The following VAT1 variants were observed in gnomAD, a reference collection of about 807,000 sequenced individuals.
The protein encoded by VAT1 is NADPH-dependent quinone oxidoreductase VAT1.
VAT1 carries 24 observed loss-of-function variants against 33.3 expected under a neutral mutation model. The ratio of observed to expected loss-of-function variants is 0.72; its 90% CI spans 0.52 to 1.01. VAT1 has a LOEUF of 1.01. VAT1 is among the 50% of genes least tolerant of loss of function. VAT1 has a pLI of 0.00. For missense variants in VAT1, 436 were observed against 533.7 expected, an observed-to-expected ratio of 0.82 and a Z score of 1.80; for synonymous variants, 212 against 225.0, an observed-to-expected ratio of 0.94 and a Z score of 0.52.
Position 43,016,007 on chromosome 17 carries a change from G to T in VAT1, c.*54C>A. The stretch of plus-strand genomic sequence containing the variant: ...ATGCAAGTCTGGTGGCCAACAGAAC[G>T]TAGCTTCCCAACTTCTCCCTTCGCT... On this transcript the variant is annotated 3_prime_UTR_variant, in exon 6 of 6. Transcript: ENST00000355653. 6.3e-7 allele frequency: 1 copy of T among 1,593,298 alleles called. No individual in the cohort carries two copies. The highest frequency in any genetic ancestry group is 8.6e-7 in the Non-Finnish European group (1 of 1,162,800).
Position 43,017,914 on chromosome 17 carries a change from C to T in VAT1, c.783G>A (p.Met261Ile), listed in dbSNP as rs757112423. 1.2e-6 allele frequency: 2 copies of T among 1,614,064 alleles called. No individual in the cohort carries two copies. The highest frequency in any genetic ancestry group is 4.5e-5 in the East Asian group (2 of 44,892). Residue 261 changes from methionine to isoleucine, a missense_variant, in exon 4 of 6, where the codon ATG becomes ATA. Met to Ile is a conservative substitution (Grantham distance 10). This residue lies in a region of VAT1 where 282 missense variants were observed against 405.4 expected (regional missense o/e 0.70). Coordinates refer to ENST00000355653, the MANE Select transcript of VAT1 (RefSeq NM_006373.4). Reference sequence around the variant, plus strand: ...CAGTATCTGACCCACCCAGAGGGTCCATGACAATGTCCACTCCTGTCATAG... The same window carrying T: ...CAGTATCTGACCCACCCAGAGGGTCTATGACAATGTCCACTCCTGTCATAG... Reference protein sequence around the residue: ...KISPKGVDIVMDPLGGSDTAK... With the variant: ...KISPKGVDIVIDPLGGSDTAK...
chr17:43,021,537 T>G (rs1025059484), intron 1 of VAT1, among the ~76,000 whole-genome samples: 3 of 136,948 alleles, frequency 2.2e-5, no homozygotes, highest in Admixed American at 8.4e-5. Flanking sequence ...GCACTAACCG[T>G]CACTCATAGT....
intron 2 of VAT1, 120 bp downstream of exon 2, chr17:43,018,472 G>C: frequency 1.7e-6 from 2 of 1,200,522 alleles, no homozygotes; most frequent in Non-Finnish European, 2.4e-6. Context: ...GAGGCCTCTG[G>C]GAGCCACAGG....
In VAT1 at chr17:43,016,620, G is replaced by C. The variant is rs927232945; in HGVS notation, c.857-72C>G. 1.8e-5 allele frequency: 28 copies of C among 1,569,830 alleles called. No individual in the cohort carries two copies. The Admixed American group carries it at 4.5e-4, about 25-fold the overall frequency. On this transcript the variant is annotated intron_variant, in intron 4 of 5. Transcript: ENST00000355653. ...CTGTGTGTCTGCATCTGTGCTCTCT[G>C]TTCCCTGTGATCCCCTTGCAATTCT...
Position 43,018,222 on chromosome 17 carries a change from C to A in VAT1, c.596-16G>T. 2 of 1,600,296 alleles carry A rather than the reference C, an allele frequency of 1.2e-6. No individual in the cohort carries two copies. Among genetic ancestry groups the A allele is most frequent in the South Asian group, 1.1e-5 (1 of 90,382 alleles). On this transcript the variant is annotated splice_polypyrimidine_tract_variant and intron_variant, in intron 2 of 5. Transcript: ENST00000355653. Reference sequence around the variant, plus strand: ...CCCACACCCCCTGCAGCAAGACACCCATAAGCAGGGGATATGGAGTTGCCC... The same window carrying A: ...CCCACACCCCCTGCAGCAAGACACCAATAAGCAGGGGATATGGAGTTGCCC...
intron 1 of VAT1, chr17:43,020,035 G>T (rs1257377921): frequency 1.1e-6 from 1 of 921,464 alleles, no homozygotes; most frequent in African/African-American, 1.8e-5. Context: ...TCCACCCAGG[G>T]ACTCAGGACT....
chr17:43,018,013 C>A, intron 3 of VAT1, 23 bp downstream of exon 3: 1 of 1,612,800 alleles, frequency 6.2e-7, no homozygotes, highest in South Asian at 1.1e-5. Context: ...CCTCCCTACC[C>A]CCTCCCATAT....
At chr17:43,020,902 G>GA (rs892386441) in intron 1 of VAT1, among the ~76,000 whole-genome samples, 108 of 140,690 alleles carry the variant, frequency 7.7e-4, no homozygotes, top group Non-Finnish European at 9.7e-4. Context: ...AAAAGAAAAA[G>GA]AAAAAAAAAA....
chr17:43,015,978 T>G lies in VAT1; in HGVS notation c.*83A>C, dbSNP rs1046804109. The stretch of plus-strand genomic sequence containing the variant: ...GAGGGCAGAGCATTATGACAGAGGC[T>G]GAAATGCAAGTCTGGTGGCCAACAG... On this transcript the variant is annotated 3_prime_UTR_variant, in exon 6 of 6. Transcript: ENST00000355653. 6.0e-6 allele frequency: 9 copies of G among 1,488,946 alleles called. No individual in the cohort carries two copies. Among genetic ancestry groups the G allele is most frequent in the Non-Finnish European group, 8.4e-6 (9 of 1,074,164 alleles). 92.2% of individuals were successfully genotyped at this position (1,488,946 alleles called of 1,614,324 possible).
At chr17:43,017,030 G>C (rs2050526059) in intron 4 of VAT1, among the ~76,000 whole-genome samples, 1 of 59,444 alleles carries the variant, frequency 1.7e-5, no homozygotes, top group South Asian at 4.6e-4. Context: ...TGGGCATGGT[G>C]GTACATGCCT....
At chr17:43,020,446 A>T (rs1291905907) in intron 1 of VAT1, among the ~76,000 whole-genome samples, 1 of 152,202 alleles carries the variant, frequency 6.6e-6, no homozygotes, top group African/African-American at 2.4e-5. Flanking sequence ...GTGGGGCCAG[A>T]GCTGAATTCA....
chr17:43,018,974 C>T (rs1190754105), intron 1 of VAT1, 175 bp from the exon 2 acceptor site: 1 of 697,762 alleles, frequency 1.4e-6, no homozygotes, highest in Non-Finnish European at 2.4e-6. Flanking sequence ...AACAACTCAC[C>T]TTTACTGAGT....
chr17:43,020,221 A>C (rs1394191420), intron 1 of VAT1: 1 of 985,106 alleles, frequency 1.0e-6, no homozygotes, highest in African/African-American at 1.7e-5. Flanking sequence ...AAGGAGGAGG[A>C]GGGAGAGAGA....
Position 43,015,944 on chromosome 17 carries a change from CG to C in VAT1, c.*116del. The C allele has an allele frequency of 8.3e-7, 1 of 1,204,662 alleles. No individual in the cohort carries two copies. The highest frequency in any genetic ancestry group is 1.2e-6 in the Non-Finnish European group (1 of 830,170). The allele number at this position is 1,204,662 out of a possible 1,614,324, so 74.6% of individuals were successfully genotyped here. ...GAGCGGTCATCACCACAGAGACCTTCGGGGGAGGGAGGGCAGAGCATTATGA... is the reference window on the plus strand; with the variant it reads ...GAGCGGTCATCACCACAGAGACCTTCGGGGAGGGAGGGCAGAGCATTATGA... On this transcript the variant is annotated 3_prime_UTR_variant, in exon 6 of 6. Coordinates refer to ENST00000355653, the MANE Select transcript of VAT1 (RefSeq NM_006373.4).
chr17:43,021,625 T>C (rs955902637), intron 1 of VAT1, among the ~76,000 whole-genome samples: 1 of 33,478 alleles, frequency 3.0e-5, no homozygotes, highest in Non-Finnish European at 5.7e-5. Flanking sequence ...GGGGGGGGGG[T>C]GGGGACGGTA....
chr17:43,020,045 T>A, intron 1 of VAT1: 5 of 954,986 alleles, frequency 5.2e-6, no homozygotes, highest in Non-Finnish European at 6.2e-6. Flanking sequence ...GACTCAGGAC[T>A]AGCAGATACA....
At chr17:43,018,322 G>T in intron 2 of VAT1, 116 bp from the exon 3 acceptor site, 1 of 1,265,462 alleles carries the variant, frequency 7.9e-7, no homozygotes, top group Non-Finnish European at 1.1e-6. Flanking sequence ...CTCATTTTAG[G>T]GCCGTGTCTA....
intron 1 of VAT1, among the ~76,000 whole-genome samples, chr17:43,020,874 TAAAAAAAA>T (rs57324710): frequency 4.6e-4 from 46 of 100,170 alleles, no homozygotes; most frequent in African/African-American, 1.4e-3. Context: ...AAACTCCGTC[TAAAAAAAA>T]AAAAAAAAAA....
Position 43,016,353 on chromosome 17 carries a change from T to A in VAT1, c.1052A>T (p.Gln351Leu). 1 of 1,611,868 alleles carries A rather than the reference T, an allele frequency of 6.2e-7. No individual in the cohort carries two copies. The highest frequency in any genetic ancestry group is 8.5e-7 in the Non-Finnish European group (1 of 1,180,020). The change falls in exon 5 of 6, where the codon CAG becomes CTG. Residue 351 changes from glutamine to leucine, a missense_variant. By Grantham distance (113) the Gln-to-Leu change is moderately radical. Coordinates refer to ENST00000355653, the MANE Select transcript of VAT1 (RefSeq NM_006373.4). ...VVARLLALYNQGHIKPHIDSV... is the reference protein window; with the variant it reads ...VVARLLALYNLGHIKPHIDSV... ...GTCAATGTGGGGCTTGATGTGGCCC[T>A]GGTTGTACAGAGCCAGGAGGCGGGC...
Sources: gnomAD v4.1 joint callset for allele counts (sites outside exome capture counted in the v4.1 genomes callset) on GRCh38, gnomAD v4.1.1 for gene constraint, gnomAD v4.1.1 regional missense constraint, MANE v1.5 for transcripts, NCBI Gene and HGNC (gene_info 2026-07-23, HGNC 2026-07-21) for gene names.